ATP10B: variants seen among roughly 807,000 people sequenced by gnomAD.
The protein encoded by ATP10B is phospholipid-transporting ATPase VB.
A neutral mutation model predicts 141.2 loss-of-function variants in ATP10B; 122 were observed. That is an observed-to-expected ratio of 0.86 (90% CI 0.75 to 1.00). The LOEUF (loss-of-function observed/expected upper bound fraction) is 1.00. Among genes scored for constraint, ATP10B ranks in the 50% least tolerant of loss-of-function variants. The probability of loss-of-function intolerance (pLI) is 0.00; values close to 1 mark genes in which losing one functional copy is unlikely to be tolerated. For synonymous variants in ATP10B, 685 were observed against 692.0 expected (o/e 0.99, Z 0.16); for missense variants, 1,876 against 1,825.3 (o/e 1.03, Z -0.51).
At chr5:160,722,956 A>G (rs192301969) in intron 2 of ATP10B, among the ~76,000 whole-genome samples, 179 of 152,338 alleles carry the variant, frequency 1.2e-3, no homozygotes, top group Admixed American at 5.4e-3. Flanking sequence ...ATTACTGTCC[A>G]TGGAATCTCA....
chr5:160,871,692 C>T, the ATP10B span, among the ~76,000 whole-genome samples: 38 of 152,214 alleles, frequency 2.5e-4, no homozygotes, highest in East Asian at 5.8e-3. Context: ...CTGCAAATGC[C>T]GTTAATTCAT....
intron 5 of ATP10B, chr5:160,687,003 C>G: frequency 2.0e-6 from 2 of 981,496 alleles, no homozygotes. Context: ...GCCACAGTGC[C>G]TTTGCATGTA....
rs1310148256 is a variant in ATP10B, at chr5:160,565,267, C to T, written c.*186G>A. 4 of 616,118 alleles carry T rather than the reference C, an allele frequency of 6.5e-6. No individual in the cohort carries two copies. The highest frequency in any genetic ancestry group is 5.5e-5 in the African/African-American group (3 of 54,094). 38.2% of individuals were successfully genotyped at this position (616,118 alleles called of 1,614,324 possible). A position where few individuals can be genotyped will look rare whatever the true frequency, so the allele number is the denominator to read the frequency against. ...CCTGAGAGCAGCAGAAAACTAGAGGCCGACTGGGTTTCCCGTCTTTGTGTC... is the reference window on the plus strand; with the variant it reads ...CCTGAGAGCAGCAGAAAACTAGAGGTCGACTGGGTTTCCCGTCTTTGTGTC... On this transcript the variant is annotated 3_prime_UTR_variant, in exon 26 of 26. Transcript: ENST00000327245.
In ATP10B at chr5:160,606,747, T is replaced by G; in HGVS notation, c.3160+18A>C. On this transcript the variant is annotated intron_variant, in intron 19 of 25. Transcript: ENST00000327245. ...CATCCCTGCCAAAGTGCCACCCGCA[T>G]CTCAGTATGATGGGTACCTATGGAA... The G allele has an allele frequency of 6.2e-7, 1 of 1,602,922 alleles. No homozygotes were observed. The highest frequency in any genetic ancestry group is 8.5e-7 in the Non-Finnish European group (1 of 1,172,106).
intron 6 of ATP10B, 124 bp from the exon 7 acceptor site, chr5:160,670,791 T>C (rs1276515452): frequency 4.9e-6 from 4 of 809,790 alleles, no homozygotes; most frequent in East Asian, 4.9e-5. Context: ...TGAGATTGCC[T>C]TGTATTCTAC....
the ATP10B span, among the ~76,000 whole-genome samples, chr5:160,915,526 T>A: frequency 6.6e-6 from 1 of 152,050 alleles, no homozygotes. Flanking sequence ...GAGATGGGGT[T>A]TTACCGTGTT....
chr5:160,851,312 T>C (rs139566699), intron 1 of ATP10B, among the ~76,000 whole-genome samples: 111 of 152,338 alleles, frequency 7.3e-4, no homozygotes, highest in African/African-American at 2.6e-3. Context: ...CCAGCCTTAA[T>C]AGCAGGCCAC....
At chr5:160,862,644 T>C in the ATP10B span, among the ~76,000 whole-genome samples, 1 of 151,946 alleles carries the variant, frequency 6.6e-6, no homozygotes, top group Non-Finnish European at 1.5e-5. Flanking sequence ...AGGCAGAAAT[T>C]GTTACTTCTA....
chr5:160,639,888 G>A (rs1759703549), intron 10 of ATP10B, among the ~76,000 whole-genome samples: 1 of 152,238 alleles, frequency 6.6e-6, no homozygotes, highest in Non-Finnish European at 1.5e-5. Flanking sequence ...ATGGTCCCAT[G>A]TAGGGATAAT....
chr5:160,926,160 ATAATCTACATGAGAT>A, the ATP10B span, among the ~76,000 whole-genome samples: 1 of 152,222 alleles, frequency 6.6e-6, no homozygotes, highest in Admixed American at 6.5e-5. Context: ...TAGGCACTGG[ATAATCTACATGAGAT>A]TATCCAAGGA....
At chr5:160,796,780 C>T (rs1771976301) in intron 1 of ATP10B, among the ~76,000 whole-genome samples, 1 of 152,138 alleles carries the variant, frequency 6.6e-6, no homozygotes, top group Non-Finnish European at 1.5e-5. Context: ...GGACTCCTCA[C>T]ACAGGTACCT....
chr5:160,857,435 G>C, the ATP10B span, among the ~76,000 whole-genome samples: 173 of 151,652 alleles, frequency 1.1e-3, no homozygotes, highest in African/African-American at 3.9e-3. Context: ...TGTCAGTCTT[G>C]CTGGAGGTCT....
In ATP10B at chr5:160,620,669, G is replaced by A; in HGVS notation, c.2094C>T (p.Ser698=). The A allele has an allele frequency of 6.2e-7, 1 of 1,613,740 alleles. No individual in the cohort carries two copies. Among genetic ancestry groups the A allele is most frequent in the Non-Finnish European group, 8.5e-7 (1 of 1,179,676 alleles). ...CTGGGGCCTCCAATGCCTCCTCCAAGGAAGTGCCTGACCCAGACTCCAGGA... is the reference window on the plus strand; with the variant it reads ...CTGGGGCCTCCAATGCCTCCTCCAAAGAAGTGCCTGACCCAGACTCCAGGA... ...GDILESGSGT[S]LEEALEAPAT... Residue 698 remains serine (S), a synonymous_variant, in exon 15 of 26, where the codon TCC becomes TCT. Transcript: ENST00000327245.
chr5:160,646,776 G>A (rs1479197737), intron 8 of ATP10B, among the ~76,000 whole-genome samples: 1 of 152,232 alleles, frequency 6.6e-6, no homozygotes, highest in Non-Finnish European at 1.5e-5. Flanking sequence ...CCTTTTCAAA[G>A]AATGGTAGAA....
At chr5:160,796,833 G>T (rs1771981584) in intron 1 of ATP10B, among the ~76,000 whole-genome samples, 4 of 152,132 alleles carry the variant, frequency 2.6e-5, no homozygotes. Flanking sequence ...CAGAGGAGGG[G>T]GAGGAAAGGG....
intron 1 of ATP10B, among the ~76,000 whole-genome samples, chr5:160,794,988 G>A (rs1771838429): frequency 6.6e-6 from 1 of 152,092 alleles, no homozygotes; most frequent in South Asian, 2.1e-4. Context: ...CCAGCACTAT[G>A]CACACTGCCT....
chr5:160,629,853 A>C (rs1758822268), intron 13 of ATP10B, among the ~76,000 whole-genome samples: 1 of 152,214 alleles, frequency 6.6e-6, no homozygotes, highest in Admixed American at 6.5e-5. Context: ...CCTAATTCAT[A>C]GCTGGAAGTT....
chr5:160,860,233 AACAAATGT>A, the ATP10B span, among the ~76,000 whole-genome samples: 1 of 151,958 alleles, frequency 6.6e-6, no homozygotes, highest in Non-Finnish European at 1.5e-5. Flanking sequence ...ATCAAAGTTA[AACAAATGT>A]ACAAATGTAT....
intron 25 of ATP10B, among the ~76,000 whole-genome samples, chr5:160,567,011 CT>C (rs1359971215): frequency 6.6e-6 from 1 of 152,116 alleles, no homozygotes; most frequent in Non-Finnish European, 1.5e-5. Context: ...ACCAGATAAA[CT>C]TTTTTTGTTC....
Sources: gnomAD v4.1 joint callset for allele counts (sites outside exome capture counted in the v4.1 genomes callset) on GRCh38, gnomAD v4.1.1 for gene constraint, MANE v1.5 for transcripts, NCBI Gene and HGNC (gene_info 2026-07-23, HGNC 2026-07-21) for gene names.